The following ITPR2 variants were observed in gnomAD, a reference collection of about 807,000 sequenced individuals.
The protein encoded by ITPR2 is inositol 1,4,5-trisphosphate-gated calcium channel ITPR2.
A neutral mutation model predicts 317.1 loss-of-function variants in ITPR2; 207 were observed. The observed-to-expected ratio is 0.65, with a 90% confidence interval of 0.58 to 0.73. The LOEUF is 0.73. ITPR2 is among the 30% of genes least tolerant of loss of function. ITPR2 has a pLI of 0.00. For missense variants in ITPR2, 2,613 were observed against 3,284.0 expected, an observed-to-expected ratio of 0.80 and a Z score of 4.99; for synonymous variants, 1,156 against 1,149.1, an observed-to-expected ratio of 1.01 and a Z score of -0.12.
chr12:26,496,710 G>A (rs551025737), intron 37 of ITPR2, among the ~76,000 whole-genome samples: 6 of 152,102 alleles, frequency 3.9e-5, no homozygotes, highest in South Asian at 4.2e-4. Flanking sequence ...TTGGGAGGCC[G>A]AGGCGGGCAG....
chr12:26,545,333 G>A (rs1210464322), intron 37 of ITPR2, among the ~76,000 whole-genome samples: 1 of 152,116 alleles, frequency 6.6e-6, no homozygotes, highest in Non-Finnish European at 1.5e-5. Context: ...CTTATAGGAA[G>A]GAGACAGGAG....
intron 26 of ITPR2, among the ~76,000 whole-genome samples, chr12:26,605,574 G>A (rs575983764): frequency 3.3e-5 from 5 of 152,130 alleles, no homozygotes; most frequent in Non-Finnish European, 5.9e-5. Flanking sequence ...AGCTTTGGTC[G>A]ATATCTTTAA....
chr12:26,461,697 C>T (rs1458784591), intron 45 of ITPR2, among the ~76,000 whole-genome samples: 7,036 of 37,896 alleles, frequency 0.19, 620 homozygotes, highest in African/African-American at 0.27. Flanking sequence ...TATATACACA[C>T]ACACACACAC....
intron 48 of ITPR2, among the ~76,000 whole-genome samples, chr12:26,434,225 T>A (rs1592019967): frequency 6.6e-6 from 1 of 152,238 alleles, no homozygotes; most frequent in South Asian, 2.1e-4. Flanking sequence ...ACAAGGCAAA[T>A]CTTCAGCCTC....
rs760917283 is a variant in ITPR2, at chr12:26,654,059, G to A, written c.2657C>T (p.Thr886Ile). The A allele has an allele frequency of 2.9e-6, 4 of 1,378,308 alleles. No individual in the cohort carries two copies. The African/African-American group carries it at 4.6e-5, about 16-fold the overall frequency. 85.4% of individuals were successfully genotyped at this position (1,378,308 alleles called of 1,614,324 possible). A position where few individuals can be genotyped will look rare whatever the true frequency, so the allele number is the denominator to read the frequency against. ...GTCTAAAATAGCCAGAAGTGTTCTT[G>A]TTAGCCTTAATAACTCACTGAAACT... ...FYSFSELLRL[T>I]RTLLAILDIV... is the part of the protein sequence containing the mutation. The change falls in exon 21 of 57, where the codon ACA becomes ATA. Residue 886 changes from threonine (T) to isoleucine (I), a missense_variant. Physicochemically the swap from Thr to Ile is moderately conservative, Grantham distance 89. Coordinates refer to ENST00000381340, the MANE Select transcript of ITPR2 (RefSeq NM_002223.4).
In ITPR2 at chr12:26,455,843, G is replaced by A. The variant is rs75904170; in HGVS notation, c.6343-12193C>T. The stretch of plus-strand genomic sequence containing the variant: ...TACTGCCTGCAATGTAAGTGTCTTG[G>A]GGATTATATAATGAGGTCATGAATT... On this transcript the variant is annotated intron_variant, in intron 45 of 56. Coordinates refer to ENST00000381340, the MANE Select transcript of ITPR2 (RefSeq NM_002223.4). Among the ~76,000 whole-genome samples, 734 of 152,172 alleles carry A rather than the reference G, an allele frequency of 4.8e-3. 6 individuals carry two copies. Among genetic ancestry groups the A allele is most frequent in the Non-Finnish European group, 6.3e-3 (427 of 68,006 alleles).
chr12:26,782,037 T>TATATAGAGAG (rs1950102369), intron 2 of ITPR2, among the ~76,000 whole-genome samples: 1 of 51,736 alleles, frequency 1.9e-5, no homozygotes, highest in Non-Finnish European at 4.1e-5. Context: ...TATATATGTA[T>TATATAGAGAG]AGAGAGAGAG....
chr12:26,574,604 G>A (rs539648107), intron 34 of ITPR2, among the ~76,000 whole-genome samples: 7 of 152,260 alleles, frequency 4.6e-5, no homozygotes, highest in Admixed American at 3.3e-4. Flanking sequence ...GACTGTATCA[G>A]GCTGTTCTTG....
chr12:26,737,348 C>G (rs1170490856), intron 2 of ITPR2, among the ~76,000 whole-genome samples: 1 of 151,966 alleles, frequency 6.6e-6, no homozygotes, highest in East Asian at 1.9e-4. Flanking sequence ...CTCCACCTTC[C>G]AGGTTCAAGC....
At chr12:26,528,663 A>C (rs1353545485) in intron 37 of ITPR2, among the ~76,000 whole-genome samples, 3 of 152,240 alleles carry the variant, frequency 2.0e-5, no homozygotes, top group African/African-American at 7.2e-5. Context: ...TATTGCTGTC[A>C]TCAAGAAGCT....
chr12:26,682,149 C>A, intron 12 of ITPR2, 115 bp from the exon 13 acceptor site: 1 of 808,984 alleles, frequency 1.2e-6, no homozygotes, highest in Non-Finnish European at 2.0e-6. Context: ...CATCCGAACA[C>A]AGTAACTCCC....
chr12:26,428,054 C>A lies in ITPR2; in HGVS notation c.6804G>T (p.Trp2268Cys), dbSNP rs1941114187. 6.2e-7 allele frequency: 1 copy of A among 1,607,878 alleles called. No individual in the cohort carries two copies. Among genetic ancestry groups the A allele is most frequent in the Non-Finnish European group, 8.5e-7 (1 of 1,177,708 alleles). The part of the protein sequence containing the change: ...TLSPLFSVLL[W>C]IAVAICTSML... Reference sequence around the variant, plus strand: ...TAGATGTGCAGATCGCAACTGCTATCCAAAGAAGAACCGAGAACAATGGAG... The same window carrying A: ...TAGATGTGCAGATCGCAACTGCTATACAAAGAAGAACCGAGAACAATGGAG... The change falls in exon 49 of 57, where the codon TGG becomes TGT. Residue 2268 changes from tryptophan to cysteine, a missense_variant. By Grantham distance (215) the Trp-to-Cys change is radical. This residue lies in a region of ITPR2 where 926 missense variants were observed against 1,072.8 expected (regional missense o/e 0.86). Coordinates refer to ENST00000381340, the MANE Select transcript of ITPR2 (RefSeq NM_002223.4).
At position 26,659,264 on chromosome 12, in the gene ITPR2, A is replaced by T. The variant is rs1947442597; in HGVS notation, c.1735T>A (p.Cys579Ser). 3 of 1,613,412 alleles carry T rather than the reference A, an allele frequency of 1.9e-6. No individual in the cohort carries two copies. The highest frequency in any genetic ancestry group is 1.7e-6 in the Non-Finnish European group (2 of 1,179,834). The change falls in exon 16 of 57, where the codon TGT (cysteine) becomes AGT (serine). Residue 579 changes from cysteine to serine, a missense_variant. Cys to Ser is a moderately radical substitution (Grantham distance 112, BLOSUM62 -1). Around this residue, in one of 9 missense-constraint regions of ITPR2, gnomAD observed 515 missense variants for 789.4 expected, o/e 0.65. Transcript: ENST00000381340. ...TAGCCAATCTGGGACTGCATGACACAGAAATTCTTAGCAATATATTCCTGC... is the reference window on the plus strand; with the variant it reads ...TAGCCAATCTGGGACTGCATGACACTGAAATTCTTAGCAATATATTCCTGC... ...KNQEYIAKNFCVMQSQIGYDI... is the reference protein window; with the variant it reads ...KNQEYIAKNFSVMQSQIGYDI...
intron 43 of ITPR2, among the ~76,000 whole-genome samples, chr12:26,480,083 A>C (rs1942511201): frequency 6.6e-6 from 1 of 152,244 alleles, no homozygotes. Context: ...AGTTAAATTT[A>C]ATTATACATT....
intron 45 of ITPR2, among the ~76,000 whole-genome samples, chr12:26,461,671 T>TGC (rs71069235): frequency 0.16 from 14,244 of 86,422 alleles, 1,125 homozygotes; most frequent in Non-Finnish European, 0.21. Context: ...TATATATATA[T>TGC]GCACACATAC....
Position 26,790,143 on chromosome 12 carries a change from TA to T in ITPR2, c.163+13del, listed in dbSNP as rs2137212292. 6.4e-7 allele frequency: 1 copy of T among 1,571,134 alleles called. No individual in the cohort carries two copies. Among genetic ancestry groups the T allele is most frequent in the East Asian group, 2.2e-5 (1 of 44,610 alleles). On this transcript the variant is annotated intron_variant, in intron 2 of 56. Coordinates refer to ENST00000381340, the MANE Select transcript of ITPR2 (RefSeq NM_002223.4). The stretch of plus-strand genomic sequence containing the variant: ...CTTAGCTCACACAATTAAAAAAATA[TA>T]TGTATTTCTTACCTCTGAACTTCTT...
In ITPR2 at chr12:26,743,823, G is replaced by A. The variant is rs576006476; in HGVS notation, c.164-18058C>T. On this transcript the variant is annotated intron_variant, in intron 2 of 56. Coordinates refer to ENST00000381340, the MANE Select transcript of ITPR2 (RefSeq NM_002223.4). ...GGAGAATCACTTGAACCCGGGAGGC[G>A]GAGGTTGAGGTGAGCCGAGATTGTG... 2.9e-4 allele frequency among the ~76,000 whole-genome samples: 44 copies of A among 152,252 alleles called. No individual in the cohort carries two copies. In the South Asian group the frequency reaches 3.1e-3, roughly 11 times the overall value.
chr12:26,401,830 T>C (rs746279505), intron 52 of ITPR2, among the ~76,000 whole-genome samples: 1 of 152,252 alleles, frequency 6.6e-6, no homozygotes, highest in Non-Finnish European at 1.5e-5. Flanking sequence ...GGGATCCTGA[T>C]ATTTTTACTT....
At chr12:26,595,663 T>C in intron 31 of ITPR2, 73 bp from the exon 32 acceptor site, 1 of 1,231,774 alleles carries the variant, frequency 8.1e-7, no homozygotes, top group East Asian at 2.5e-5. Flanking sequence ...TTATGAAAGG[T>C]TAACATAAAA....
Sources: gnomAD v4.1 joint callset for allele counts (sites outside exome capture counted in the v4.1 genomes callset) on GRCh38, gnomAD v4.1.1 for gene constraint, gnomAD v4.1.1 regional missense constraint, MANE v1.5 for transcripts, NCBI Gene and HGNC (gene_info 2026-07-23, HGNC 2026-07-21) for gene names.